Variants in SLC25A1 observed in about 807,000 individuals in gnomAD.
The protein encoded by SLC25A1 is tricarboxylate transport protein, mitochondrial.
SLC25A1 carries 26 observed loss-of-function variants against 38.1 expected under a neutral mutation model. That is an observed-to-expected ratio of 0.68 (90% CI 0.50 to 0.95). The LOEUF (loss-of-function observed/expected upper bound fraction) is 0.95, where lower values mean the gene tolerates loss of function less well. SLC25A1 is among the 40% of genes least tolerant of loss of function. The pLI is 0.00. For synonymous variants in SLC25A1, 211 were observed against 183.2 expected, an observed-to-expected ratio of 1.15 and a Z score of -1.23; for missense variants, 378 against 426.6, an observed-to-expected ratio of 0.89 and a Z score of 1.00.
In SLC25A1 at chr22:19,178,334, GCGCCA is replaced by G. The variant is rs2084005209; in HGVS notation, c.95-99_95-95del. 6.6e-7 allele frequency: 1 copy of G among 1,512,918 alleles called. No homozygotes were observed. Among genetic ancestry groups the G allele is most frequent in the South Asian group, 1.3e-5 (1 of 79,202 alleles). 93.7% of individuals were successfully genotyped at this position (1,512,918 alleles called of 1,614,324 possible). Reference sequence around the variant, plus strand: ...CCGGACTTCGGTCGGCGCGGCCGCCGCGCCAGTGCCGCGGGGAACATAGGCTGGGG... The same window carrying G: ...CCGGACTTCGGTCGGCGCGGCCGCCGGTGCCGCGGGGAACATAGGCTGGGG... On this transcript the variant is annotated intron_variant, in intron 1 of 8. Coordinates refer to ENST00000215882, the MANE Select transcript of SLC25A1 (RefSeq NM_005984.5). This position sits in a 1 kb window ranked among gnomAD's most constrained non-coding sequence, Gnocchi z 4.9.
intron 8 of SLC25A1, 69 bp downstream of exon 8, chr22:19,176,352 A>G: frequency 6.4e-7 from 1 of 1,570,690 alleles, no homozygotes; most frequent in Non-Finnish European, 8.8e-7. Flanking sequence ...AAGGGGACAG[A>G]GTGGGCAGGC....
chr22:19,176,784 G>A (rs904108023), intron 6 of SLC25A1, 62 bp downstream of exon 6: 2 of 1,598,012 alleles, frequency 1.3e-6, no homozygotes, highest in Non-Finnish European at 8.6e-7. Flanking sequence ...CCCAGGGGTG[G>A]CCCCAAGGAG....
chr22:19,178,651 C>T lies in SLC25A1; in HGVS notation c.23G>A (p.Arg8His). 5 of 1,161,906 alleles carry T rather than the reference C, an allele frequency of 4.3e-6. No individual in the cohort carries two copies. The highest frequency in any genetic ancestry group is 5.3e-6 in the Non-Finnish European group (5 of 943,194). 72.0% of individuals were successfully genotyped at this position (1,161,906 alleles called of 1,614,324 possible). A position where few individuals can be genotyped will look rare whatever the true frequency, so the allele number is the denominator to read the frequency against. Reference protein sequence around the residue: MPAPRAPRALAAAAPASG... With the variant: MPAPRAPHALAAAAPASG... ...CGCGGGCGCGGCGGCCGCCAGAGCGCGCGGGGCGCGGGGCGCGGGCATGGC... is the reference window on the plus strand; with the variant it reads ...CGCGGGCGCGGCGGCCGCCAGAGCGTGCGGGGCGCGGGGCGCGGGCATGGC... The change falls in exon 1 of 9, where the codon CGC (arginine) becomes CAC (histidine). Residue 8 changes from arginine (R) to histidine (H), a missense_variant. Transcript: ENST00000215882. The surrounding 1 kb of genome is among the most constrained non-coding windows in gnomAD (Gnocchi z 4.9).
At chr22:19,177,282 A>G in intron 4 of SLC25A1, 78 bp from the exon 5 acceptor site, 2 of 1,221,684 alleles carry the variant, frequency 1.6e-6, no homozygotes, top group Non-Finnish European at 2.4e-6. Flanking sequence ...CCCAGGGCCC[A>G]TCCAGGGTGG....
In SLC25A1 at chr22:19,176,220, G is replaced by T; in HGVS notation, c.846C>A (p.Arg282=). 6.2e-7 allele frequency: 1 copy of T among 1,613,246 alleles called. No homozygotes were observed. Among genetic ancestry groups the T allele is most frequent in the Non-Finnish European group, 8.5e-7 (1 of 1,179,978 alleles). ...CCACATCCAGGCAGACCCGGCCCAG[G>T]CGGGGGACAGTGCCCTTGTAGAATC... ...LKAFYKGTVP[R]LGRVCLDVAI... is the part of the protein sequence containing the mutation. Residue 282 remains arginine (R), a synonymous_variant, in exon 9 of 9, where the codon CGC becomes CGA. Coordinates refer to ENST00000215882, the MANE Select transcript of SLC25A1 (RefSeq NM_005984.5).
rs2083966362 is a variant in SLC25A1 at position 19,176,704 on chromosome 22, G to A, written c.632-11C>T. The A allele has an allele frequency of 1.2e-6, 2 of 1,610,718 alleles. No individual in the cohort carries two copies. The highest frequency in any genetic ancestry group is 1.3e-5 in the African/African-American group (1 of 74,978). ...TGTTGGGGTTGTCCCCTGGATATAG[G>A]AGGGGTGAGGTGGGTCAGAGGGTGC... is the stretch of plus-strand genomic sequence containing the variant. On this transcript the variant is annotated splice_polypyrimidine_tract_variant and intron_variant, in intron 6 of 8. Coordinates refer to ENST00000215882, the MANE Select transcript of SLC25A1 (RefSeq NM_005984.5).
chr22:19,177,800 C>T lies in SLC25A1; in HGVS notation c.368G>A (p.Arg123His), dbSNP rs782305001. ...AGCGCCCAGGCCGCACAGCAGCCCA[C>T]GCGTGCTGTCCAGCCGTCCCTGGGC... ...RDAQGRLDST[R>H]GLLCGLGAGV... is the part of the protein sequence containing the mutation. Residue 123 changes from arginine to histidine, a missense_variant, in exon 4 of 9, where the codon CGT becomes CAT. Transcript: ENST00000215882. 6.2e-6 allele frequency: 10 copies of T among 1,610,804 alleles called. No homozygotes were observed. In the Admixed American group the frequency reaches 1.0e-4, roughly 16 times the overall value.
chr22:19,177,011 G>A (rs1555922569), intron 5 of SLC25A1, 61 bp from the exon 6 acceptor site: 2 of 1,593,192 alleles, frequency 1.3e-6, no homozygotes, highest in Admixed American at 3.3e-5. Context: ...GGGAATTGGT[G>A]TGTGTGGGGG....
At position 19,178,730 on chromosome 22, in the gene SLC25A1, C is replaced by T; in HGVS notation, c.-57G>A. ...CTTCGGGTCCGAGACTCCAGAACTC[C>T]GCGCTCGGTCCGCGGTGGCGGCGGC... On this transcript the variant is annotated 5_prime_UTR_variant, in exon 1 of 9. Coordinates refer to ENST00000215882, the MANE Select transcript of SLC25A1 (RefSeq NM_005984.5). The surrounding 1 kb of genome is among the most constrained non-coding windows in gnomAD (Gnocchi z 4.9). 2 of 851,990 alleles carry T rather than the reference C, an allele frequency of 2.3e-6. No individual in the cohort carries two copies. Among genetic ancestry groups the T allele is most frequent in the Non-Finnish European group, 2.9e-6 (2 of 688,208 alleles). 52.8% of individuals were successfully genotyped at this position (851,990 alleles called of 1,614,324 possible).
At chr22:19,176,555 C>G (rs782374323) in intron 7 of SLC25A1, 23 bp downstream of exon 7, 25 of 1,612,080 alleles carry the variant, frequency 1.6e-5, no homozygotes, top group Middle Eastern at 3.3e-4. Flanking sequence ...CCCCCCTTCC[C>G]CTCCCCTTCC....
intron 6 of SLC25A1, 57 bp from the exon 7 acceptor site, chr22:19,176,750 A>C: frequency 2.5e-6 from 4 of 1,592,356 alleles, no homozygotes; most frequent in Non-Finnish European, 3.4e-6. Context: ...CTGGATCAGC[A>C]CTTCAAAAGG....
chr22:19,177,628 C>CT, intron 4 of SLC25A1, 99 bp downstream of exon 4: 1 of 1,531,924 alleles, frequency 6.5e-7, no homozygotes, highest in Non-Finnish European at 8.8e-7. Flanking sequence ...CCAGGAGACC[C>CT]TCCCCAGCTT....
rs908375185 is a variant in SLC25A1 at position 19,176,336 on chromosome 22, G to A, written c.821+85C>T. On this transcript the variant is annotated intron_variant, in intron 8 of 8. Coordinates refer to ENST00000215882, the MANE Select transcript of SLC25A1 (RefSeq NM_005984.5). ...CAGATACTGAAGTGAGAGGCACAGA[G>A]GCCTGAAGGGGACAGAGTGGGCAGG... The A allele has an allele frequency of 1.3e-5, 20 of 1,556,204 alleles. 1 individual carries two copies. In the Middle Eastern group the frequency reaches 5.0e-4, roughly 39 times the overall value.
intron 4 of SLC25A1, 50 bp downstream of exon 4, chr22:19,177,677 C>A (rs1555922867): frequency 6.3e-7 from 1 of 1,597,878 alleles, no homozygotes; most frequent in African/African-American, 1.3e-5. Flanking sequence ...CGGGGCCGCC[C>A]GTCTCCGTAC....
Position 19,178,503 on chromosome 22 carries a change from A to G in SLC25A1, c.94+77T>C. 1 of 1,317,578 alleles carries G rather than the reference A, an allele frequency of 7.6e-7. No individual in the cohort carries two copies. The highest frequency in any genetic ancestry group is 9.6e-7 in the Non-Finnish European group (1 of 1,037,612). 81.6% of individuals were successfully genotyped at this position (1,317,578 alleles called of 1,614,324 possible). A position where few individuals can be genotyped will look rare whatever the true frequency, so the allele number is the denominator to read the frequency against. On this transcript the variant is annotated intron_variant, in intron 1 of 8. Transcript: ENST00000215882. This position sits in a 1 kb window ranked among gnomAD's most constrained non-coding sequence, Gnocchi z 4.9. ...TCCCCAGCCCACGGCCCAACCCGGA[A>G]GTGGGGCGGGGCCTCAGCGTCCCGG... is the stretch of plus-strand genomic sequence containing the variant.
At chr22:19,176,338 C>G in intron 8 of SLC25A1, 83 bp downstream of exon 8, 2 of 1,561,576 alleles carry the variant, frequency 1.3e-6, no homozygotes, top group Non-Finnish European at 1.8e-6. Flanking sequence ...GGCACAGAGG[C>G]CTGAAGGGGA....
chr22:19,176,408 C>T lies in SLC25A1; in HGVS notation c.821+13G>A. On this transcript the variant is annotated intron_variant, in intron 8 of 8. Transcript: ENST00000215882. ...TGAGGTGGGGACAATAGCCCTGCCC[C>T]TCCCCCACTCACGCCTTGAGCCCCT... 1 of 1,612,266 alleles carries T rather than the reference C, an allele frequency of 6.2e-7. No individual in the cohort carries two copies. The highest frequency in any genetic ancestry group is 2.2e-5 in the East Asian group (1 of 44,866).
chr22:19,176,621 A>T lies in SLC25A1; in HGVS notation c.704T>A (p.Val235Asp). ...CACATCCAGAGGAGTGTTTCCAAAG[A>T]CACTGGCTGCGCCTGCAATAGCTCC... ...VFGAIAGAAS[V>D]FGNTPLDVIK... The change falls in exon 7 of 9, where the codon GTC becomes GAC. Residue 235 changes from valine to aspartate, a missense_variant. By Grantham distance (152) the Val-to-Asp change is radical. Coordinates refer to ENST00000215882, the MANE Select transcript of SLC25A1 (RefSeq NM_005984.5). The T allele has an allele frequency of 6.2e-7, 1 of 1,613,894 alleles. No homozygotes were observed. The highest frequency in any genetic ancestry group is 8.5e-7 in the Non-Finnish European group (1 of 1,180,002).
Position 19,176,215 on chromosome 22 carries a change from C to A in SLC25A1, c.851G>T (p.Gly284Val), listed in dbSNP as rs782263160. ...AFYKGTVPRL[G>V]RVCLDVAIVF... ...TATGGCCACATCCAGGCAGACCCGG[C>A]CCAGGCGGGGGACAGTGCCCTTGTA... Residue 284 changes from glycine to valine, a missense_variant, in exon 9 of 9, where the codon GGC (glycine) becomes GTC (valine). Coordinates refer to ENST00000215882, the MANE Select transcript of SLC25A1 (RefSeq NM_005984.5). The A allele has an allele frequency of 1.2e-6, 2 of 1,613,336 alleles. No homozygotes were observed. The highest frequency in any genetic ancestry group is 1.1e-5 in the South Asian group (1 of 91,084).
Sources: gnomAD v4.1 joint callset for allele counts on GRCh38, gnomAD v4.1.1 for gene constraint, Gnocchi (gnomAD v3.1) non-coding constraint, MANE v1.5 for transcripts, NCBI Gene and HGNC (gene_info 2026-07-23, HGNC 2026-07-21) for gene names.